GOLM2: variants seen among roughly 807,000 people sequenced by gnomAD.
GOLM2 encodes golgi membrane protein 2.
GOLM2 carries 26 observed loss-of-function variants against 55.9 expected under a neutral mutation model. The observed-to-expected ratio is 0.47, with a 90% confidence interval of 0.34 to 0.65. The LOEUF is 0.65. Ranked by LOEUF, GOLM2 falls within the 30% of genes least tolerant of loss-of-function variation. The pLI is 0.01. For synonymous variants in GOLM2, 165 were observed against 194.6 expected (o/e 0.85, Z 1.27); for missense variants, 486 against 531.8 (o/e 0.91, Z 0.85).
chr15:44,377,095 G>C (rs2079369658), intron 6 of GOLM2, among the ~76,000 whole-genome samples: 1 of 152,130 alleles, frequency 6.6e-6, no homozygotes, highest in African/African-American at 2.4e-5. Context: ...TTTGGGAGCT[G>C]GGCATGATGG....
intron 7 of GOLM2, 114 bp from the exon 8 acceptor site, chr15:44,380,692 T>A: frequency 2.4e-5 from 14 of 586,920 alleles, no homozygotes; most frequent in South Asian, 8.0e-5. Flanking sequence ...GCTTTGTGGC[T>A]ACCCAATGTT....
intron 6 of GOLM2, among the ~76,000 whole-genome samples, chr15:44,361,085 C>G (rs1298659506): frequency 6.7e-6 from 1 of 149,660 alleles, no homozygotes; most frequent in South Asian, 2.2e-4. Context: ...GCACTAAATG[C>G]CCACAAGAGA....
chr15:44,351,938 A>G (rs966536913), intron 6 of GOLM2, among the ~76,000 whole-genome samples: 3 of 152,198 alleles, frequency 2.0e-5, no homozygotes, highest in African/African-American at 7.2e-5. Flanking sequence ...CACACACAAA[A>G]AGGAAAGATA....
chr15:44,290,793 C>CGTTGTT lies in GOLM2; in HGVS notation c.327+1453_327+1458dup, dbSNP rs754237769. Among the ~76,000 whole-genome samples, 4 of 151,966 alleles carry CGTTGTT rather than the reference C, an allele frequency of 2.6e-5. 1 individual carries two copies. The highest frequency in any genetic ancestry group is 6.6e-5 in the Admixed American group (1 of 15,216). On this transcript the variant is annotated intron_variant, in intron 1 of 9. Coordinates refer to ENST00000299957, the MANE Select transcript of GOLM2 (RefSeq NM_138423.4). ...CATCCATTGGACTTTTTGTTGTTGT[C>CGTTGTT]GTTGTTGTTGTTGTTGTTGTTTTTT...
chr15:44,289,377 T>G lies in GOLM2; in HGVS notation c.327+21T>G. The G allele has an allele frequency of 6.3e-7, 1 of 1,588,728 alleles. No individual in the cohort carries two copies. The highest frequency in any genetic ancestry group is 2.3e-5 in the East Asian group (1 of 44,250). On this transcript the variant is annotated intron_variant, in intron 1 of 9. Transcript: ENST00000299957. This position sits in a 1 kb window ranked among gnomAD's most constrained non-coding sequence, Gnocchi z 4.8. The stretch of plus-strand genomic sequence containing the variant: ...ACAAGGTAAGGACGACCCTTTTCTC[T>G]TCAAACCCCATGGTTTCTTTTCTCC...
intron 6 of GOLM2, among the ~76,000 whole-genome samples, chr15:44,340,246 A>G (rs1048024804): frequency 4.6e-5 from 7 of 152,012 alleles, no homozygotes; most frequent in African/African-American, 1.7e-4. Context: ...GCACCCAGCC[A>G]AAAAATATAG....
Position 44,413,673 on chromosome 15 carries a change from T to G in GOLM2, c.*267T>G, listed in dbSNP as rs1347551315. ...TGCATCTAAAGCAAACTAATGTATA[T>G]TTCACATTTTATTGAGCCGACTTAT... is the stretch of plus-strand genomic sequence containing the variant. On this transcript the variant is annotated 3_prime_UTR_variant, in exon 10 of 10. Transcript: ENST00000299957. 6.1e-6 allele frequency: 2 copies of G among 326,858 alleles called. No homozygotes were observed. Among genetic ancestry groups the G allele is most frequent in the Admixed American group, 9.3e-5 (2 of 21,504 alleles). 20.2% of individuals were successfully genotyped at this position (326,858 alleles called of 1,614,324 possible). A position where few individuals can be genotyped will look rare whatever the true frequency, so the allele number is the denominator to read the frequency against.
chr15:44,340,896 C>G (rs966501246), intron 6 of GOLM2, among the ~76,000 whole-genome samples: 1 of 152,032 alleles, frequency 6.6e-6, no homozygotes, highest in African/African-American at 2.4e-5. Flanking sequence ...AAAAACTATA[C>G]CCAAAGTTTT....
At chr15:44,368,303 A>ATTT (rs1245673474) in intron 6 of GOLM2, among the ~76,000 whole-genome samples, 1,381 of 115,560 alleles carry the variant, frequency 0.012, 25 homozygotes, top group East Asian at 0.074. Flanking sequence ...ACGCCCAGCT[A>ATTT]TTTTTTTTTT....
intron 4 of GOLM2, among the ~76,000 whole-genome samples, chr15:44,336,389 T>G (rs963832751): frequency 6.6e-6 from 1 of 151,700 alleles, no homozygotes; most frequent in Admixed American, 6.6e-5. Flanking sequence ...AGTGCTGGGA[T>G]TACAGGCATG....
intron 1 of GOLM2, among the ~76,000 whole-genome samples, chr15:44,304,322 G>T (rs1372394979): frequency 7.4e-6 from 1 of 134,276 alleles, no homozygotes; most frequent in African/African-American, 2.8e-5. Context: ...GCTCACTGCA[G>T]CCTCCGCCTC....
rs1418622644 is a variant in GOLM2 at position 44,414,429 on chromosome 15, A to G, written c.*1023A>G. 2.6e-5 allele frequency: 4 copies of G among 152,238 alleles called. No homozygotes were observed. The highest frequency in any genetic ancestry group is 6.5e-5 in the Admixed American group (1 of 15,278). The allele number at this position is 152,238 out of a possible 1,614,324, so 9.4% of individuals were successfully genotyped here. A position where few individuals can be genotyped will look rare whatever the true frequency, so the allele number is the denominator to read the frequency against. On this transcript the variant is annotated 3_prime_UTR_variant, in exon 10 of 10. Transcript: ENST00000299957. ...TGAAATTGTGGAATGCATGATTGAC[A>G]ATATATTTTTAATTTTTATTTTTTC...
chr15:44,343,328 A>C (rs553704719), intron 6 of GOLM2, among the ~76,000 whole-genome samples: 4 of 151,974 alleles, frequency 2.6e-5, no homozygotes, highest in African/African-American at 9.7e-5. Context: ...AAAAAAAAAA[A>C]AAACCAACTT....
intron 1 of GOLM2, among the ~76,000 whole-genome samples, chr15:44,304,316 A>G (rs2078821126): frequency 2.3e-5 from 3 of 130,026 alleles, no homozygotes; most frequent in Non-Finnish European, 4.6e-5. Flanking sequence ...ATCTCGGCTC[A>G]CTGCAGCCTC....
At chr15:44,387,061 G>A (rs2079451016) in intron 8 of GOLM2, among the ~76,000 whole-genome samples, 1 of 151,670 alleles carries the variant, frequency 6.6e-6, no homozygotes, top group Non-Finnish European at 1.5e-5. Context: ...TGTAGTCCCC[G>A]TTACTTGGGA....
chr15:44,392,731 G>C (rs1282480728), intron 8 of GOLM2, among the ~76,000 whole-genome samples: 1 of 151,976 alleles, frequency 6.6e-6, no homozygotes, highest in Non-Finnish European at 1.5e-5. Context: ...ATTCAAGATT[G>C]TTTAATATTT....
chr15:44,342,166 C>T (rs757631736), intron 6 of GOLM2, among the ~76,000 whole-genome samples: 3 of 151,580 alleles, frequency 2.0e-5, no homozygotes, highest in Non-Finnish European at 2.9e-5. Flanking sequence ...GTAAATTGAT[C>T]GTTAATGTAA....
At chr15:44,356,829 T>G (rs2079201393) in intron 6 of GOLM2, among the ~76,000 whole-genome samples, 1 of 152,190 alleles carries the variant, frequency 6.6e-6, no homozygotes, top group South Asian at 2.1e-4. Flanking sequence ...TGATCTTATA[T>G]GCAAAAATTC....
chr15:44,350,490 A>G (rs2079154253), intron 6 of GOLM2, among the ~76,000 whole-genome samples: 1 of 152,226 alleles, frequency 6.6e-6, no homozygotes, highest in African/African-American at 2.4e-5. Flanking sequence ...AAAGTCTTCC[A>G]GCAAAGAAAA....
Sources: allele counts gnomAD v4.1 joint callset (sites outside exome capture counted in the v4.1 genomes callset), GRCh38; gene constraint gnomAD v4.1.1; non-coding constraint Gnocchi (gnomAD v3.1); transcripts MANE v1.5; gene names NCBI Gene and HGNC (gene_info 2026-07-23, HGNC 2026-07-21).